ESRP1: variants seen among roughly 807,000 people sequenced by gnomAD.
ESRP1 encodes the protein RNA-binding motif protein 35A.
A neutral mutation model predicts 81.7 loss-of-function variants in ESRP1; 33 were observed. That is an observed-to-expected ratio of 0.40 (90% CI 0.31 to 0.54). ESRP1 has a LOEUF of 0.54. Among genes scored for constraint, ESRP1 ranks in the 20% least tolerant of loss-of-function variants. The pLI is 0.41. For synonymous variants in ESRP1, 320 were observed against 303.3 expected, an observed-to-expected ratio of 1.06 and a Z score of -0.57; for missense variants, 672 against 833.1, an observed-to-expected ratio of 0.81 and a Z score of 2.38.
At chr8:94,643,087 T>C (rs1176752120) in intron 2 of ESRP1, among the ~76,000 whole-genome samples, 1 of 152,204 alleles carries the variant, frequency 6.6e-6, no homozygotes, top group Non-Finnish European at 1.5e-5. Flanking sequence ...GACAAGTTTC[T>C]CCTGGGCGCG....
At chr8:94,690,116 C>G (rs979037427) in intron 13 of ESRP1, among the ~76,000 whole-genome samples, 1 of 126,658 alleles carries the variant, frequency 7.9e-6, no homozygotes, top group African/African-American at 2.6e-5. Context: ...CCGTGCCCGG[C>G]CTAATTTTTT....
At position 94,641,217 on chromosome 8, in the gene ESRP1, C is replaced by CTT. The variant is rs1817565351; in HGVS notation, c.-98_-97dup. 1 of 1,201,794 alleles carries CTT rather than the reference C, an allele frequency of 8.3e-7. No individual in the cohort carries two copies. Among genetic ancestry groups the CTT allele is most frequent in the Non-Finnish European group, 1.1e-6 (1 of 875,274 alleles). 74.4% of individuals were successfully genotyped at this position (1,201,794 alleles called of 1,614,324 possible). A position where few individuals can be genotyped will look rare whatever the true frequency, so the allele number is the denominator to read the frequency against. The stretch of plus-strand genomic sequence containing the variant: ...CAAGGAAGGGGGGTGGGCGCTCTTT[C>CTT]TTTTTCTCTTAGAAGAGGGTTTAGC... On this transcript the variant is annotated 5_prime_UTR_variant, in exon 1 of 16. Coordinates refer to ENST00000433389, the MANE Select transcript of ESRP1 (RefSeq NM_017697.4).
At chr8:94,665,252 T>C (rs1475572638) in intron 9 of ESRP1, 56 bp downstream of exon 9, 1 of 1,547,572 alleles carries the variant, frequency 6.5e-7, no homozygotes. Flanking sequence ...AAATTTTGCA[T>C]ACTTAAATTT....
intron 13 of ESRP1, among the ~76,000 whole-genome samples, chr8:94,691,642 TTAAGC>T (rs1563546638): frequency 6.6e-6 from 1 of 152,194 alleles, no homozygotes; most frequent in East Asian, 1.9e-4. Flanking sequence ...TCCATTCCTA[TTAAGC>T]TATCTGTTAG....
chr8:94,705,213 G>T (rs1188513635), intron 15 of ESRP1, among the ~76,000 whole-genome samples: 1 of 132,014 alleles, frequency 7.6e-6, no homozygotes, highest in Non-Finnish European at 1.5e-5. Context: ...TGTTGCCCAG[G>T]CTGGAGTGCA....
chr8:94,705,847 C>T lies in ESRP1; in HGVS notation c.*36-78C>T, dbSNP rs978811138. ...ACAAAGTCCTTGTGGAATTTGAAAT[C>T]ATTTTTGTGGCTGCTGAGAATGACA... On this transcript the variant is annotated intron_variant, in intron 15 of 15. Coordinates refer to ENST00000433389, the MANE Select transcript of ESRP1 (RefSeq NM_017697.4). 3.1e-6 allele frequency: 4 copies of T among 1,280,790 alleles called. No homozygotes were observed. The African/African-American group carries it at 4.6e-5, about 15-fold the overall frequency. The allele number at this position is 1,280,790 out of a possible 1,614,324, so 79.3% of individuals were successfully genotyped here. A position where few individuals can be genotyped will look rare whatever the true frequency, so the allele number is the denominator to read the frequency against.
intron 4 of ESRP1, among the ~76,000 whole-genome samples, chr8:94,651,915 A>AT (rs1283522057): frequency 1.3e-4 from 20 of 150,290 alleles, no homozygotes; most frequent in Admixed American, 9.3e-4. Context: ...TTGACCAGGA[A>AT]TTGAGTGTAG....
intron 13 of ESRP1, among the ~76,000 whole-genome samples, chr8:94,678,974 G>A (rs1808755024): frequency 6.6e-6 from 1 of 152,210 alleles, no homozygotes; most frequent in Non-Finnish European, 1.5e-5. Flanking sequence ...TTGGGAGACT[G>A]AATGTTAGTT....
At position 94,643,261 on chromosome 8, in the gene ESRP1, T is replaced by C. The variant is rs140064719; in HGVS notation, c.262-42T>C. 188 of 1,338,986 alleles carry C rather than the reference T, an allele frequency of 1.4e-4. No homozygotes were observed. The African/African-American group carries it at 2.4e-3, about 17-fold the overall frequency. The allele number at this position is 1,338,986 out of a possible 1,614,324, so 82.9% of individuals were successfully genotyped here. A position where few individuals can be genotyped will look rare whatever the true frequency, so the allele number is the denominator to read the frequency against. ...GGAGCTACTTTGCAGAGTTTGTAAA[T>C]CGTGCATCAGTTGCATCCCTATGTG... On this transcript the variant is annotated intron_variant, in intron 2 of 15. Coordinates refer to ENST00000433389, the MANE Select transcript of ESRP1 (RefSeq NM_017697.4).
intron 2 of ESRP1, among the ~76,000 whole-genome samples, chr8:94,642,996 A>G (rs1472713838): frequency 6.6e-6 from 1 of 152,250 alleles, no homozygotes; most frequent in Admixed American, 6.5e-5. Flanking sequence ...TGTAATCTGC[A>G]GGCAACCTGC....
chr8:94,677,278 A>AT (rs1459121664), intron 12 of ESRP1, among the ~76,000 whole-genome samples: 1 of 152,220 alleles, frequency 6.6e-6, no homozygotes, highest in African/African-American at 2.4e-5. Context: ...GCCTCTGCTG[A>AT]TTGCAAAATG....
chr8:94,672,645 G>C (rs151303679), intron 11 of ESRP1, among the ~76,000 whole-genome samples: 84 of 151,966 alleles, frequency 5.5e-4, no homozygotes, highest in African/African-American at 1.9e-3. Context: ...CAATTCTCCT[G>C]CCTCAGCTTC....
intron 3 of ESRP1, 142 bp from the exon 4 acceptor site, chr8:94,646,026 T>A: frequency 1.9e-6 from 1 of 536,508 alleles, no homozygotes; most frequent in Non-Finnish European, 3.3e-6. Flanking sequence ...GACCAACTTT[T>A]AAAAATAAAT....
Position 94,641,210 on chromosome 8 carries a change from G to T in ESRP1, c.-109G>T. On this transcript the variant is annotated 5_prime_UTR_variant, in exon 1 of 16. Coordinates refer to ENST00000433389, the MANE Select transcript of ESRP1 (RefSeq NM_017697.4). ...GCAGTAGCAAGGAAGGGGGGTGGGCGCTCTTTCTTTTTCTCTTAGAAGAGG... is the reference window on the plus strand; with the variant it reads ...GCAGTAGCAAGGAAGGGGGGTGGGCTCTCTTTCTTTTTCTCTTAGAAGAGG... 3.7e-6 allele frequency: 4 copies of T among 1,080,904 alleles called. No individual in the cohort carries two copies. Among genetic ancestry groups the T allele is most frequent in the Non-Finnish European group, 5.2e-6 (4 of 768,550 alleles). The allele number at this position is 1,080,904 out of a possible 1,614,324, so 67.0% of individuals were successfully genotyped here.
chr8:94,646,172 T>C lies in ESRP1; in HGVS notation c.380T>C (p.Val127Ala), dbSNP rs538991862. 1 of 1,589,568 alleles carries C rather than the reference T, an allele frequency of 6.3e-7. No individual in the cohort carries two copies. Among genetic ancestry groups the C allele is most frequent in the South Asian group, 1.1e-5 (1 of 89,452 alleles). ...ATCTACCTTGTCCTTCCTCAGAATG[T>C]ACTATTACCTGAATGCTTCTATTCC... Reference protein sequence around the residue: ...ILHPEASKKNVLLPECFYSFF... With the variant: ...ILHPEASKKNALLPECFYSFF... Residue 127 changes from valine (V) to alanine (A), a missense_variant, in exon 4 of 16, where the codon GTA becomes GCA. Val to Ala is a moderately conservative substitution (Grantham distance 64). Coordinates refer to ENST00000433389, the MANE Select transcript of ESRP1 (RefSeq NM_017697.4).
At chr8:94,671,307 A>C in intron 10 of ESRP1, 146 bp from the exon 11 acceptor site, 1 of 588,096 alleles carries the variant, frequency 1.7e-6, no homozygotes, top group Non-Finnish European at 2.9e-6. Context: ...TTGAAGATTC[A>C]GTTCAGATGA....
At chr8:94,686,514 A>G (rs1809147422) in intron 13 of ESRP1, among the ~76,000 whole-genome samples, 1 of 152,276 alleles carries the variant, frequency 6.6e-6, no homozygotes, top group South Asian at 2.1e-4. Flanking sequence ...AGGTTACCCT[A>G]AGGTTGCTTA....
At chr8:94,657,872 C>T (rs1458678701) in intron 4 of ESRP1, among the ~76,000 whole-genome samples, 1 of 152,164 alleles carries the variant, frequency 6.6e-6, no homozygotes, top group African/African-American at 2.4e-5. Context: ...CTCCATTACC[C>T]ATCAGCCAGG....
At chr8:94,705,903 C>CT (rs55760931) in intron 15 of ESRP1, 22 bp from the exon 16 acceptor site, 46,937 of 1,357,430 alleles carry the variant, frequency 0.035, 3 homozygotes, top group East Asian at 0.072. Flanking sequence ...CTTTTATTCA[C>CT]TTTTTTTTTT....
Sources: allele counts gnomAD v4.1 joint callset (sites outside exome capture counted in the v4.1 genomes callset), GRCh38; gene constraint gnomAD v4.1.1; transcripts MANE v1.5; gene names NCBI Gene and HGNC (gene_info 2026-07-23, HGNC 2026-07-21).